The following SAMD11 variants were observed in gnomAD, a reference collection of about 807,000 sequenced individuals.
SAMD11 encodes sterile alpha motif domain containing 11, also known as sterile alpha motif domain-containing protein 11.
A neutral mutation model predicts 64.4 loss-of-function variants in SAMD11; 77 were observed. That is an observed-to-expected ratio of 1.20 (90% confidence interval 0.99 to 1.44). The LOEUF is 1.44. Among genes scored for constraint, SAMD11 ranks in the 40% most tolerant of loss-of-function variants. The probability of loss-of-function intolerance (pLI) is 0.00; values close to 1 mark genes in which losing one functional copy is unlikely to be tolerated. For missense variants in SAMD11, 1,402 were observed against 943.3 expected (o/e 1.49, Z -6.37); for synonymous variants, 658 against 421.9 (o/e 1.56, Z -6.86).
At chr1:935,110 T>G (rs1029065167) in intron 4 of SAMD11, among the ~76,000 whole-genome samples, 1 of 151,914 alleles carries the variant, frequency 6.6e-6, no homozygotes, top group African/African-American at 2.4e-5. Context: ...TCTGTGGATG[T>G]GGGATTGGGC....
Position 944,382 on chromosome 1 carries a change from A to G in SAMD11, c.*229A>G, listed in dbSNP as rs1642020856. The G allele has an allele frequency of 6.8e-6, 9 of 1,333,012 alleles. No homozygotes were observed. The highest frequency in any genetic ancestry group is 1.5e-5 in the African/African-American group (1 of 66,298). 82.6% of individuals were successfully genotyped at this position (1,333,012 alleles called of 1,614,324 possible). ...TGCAGACGGAGGGCAGAGGTGGTGG[A>G]AGGGGCCAGGGGCCTGCAGGCCTCC... On this transcript the variant is annotated 3_prime_UTR_variant, in exon 14 of 14. Transcript: ENST00000616016.
At chr1:935,662 C>G (rs1455202403) in intron 4 of SAMD11, 110 bp from the exon 5 acceptor site, 1 of 1,459,526 alleles carries the variant, frequency 6.9e-7, no homozygotes, top group African/African-American at 1.4e-5. Context: ...ACGTGGCACT[C>G]AGAGGTCATC....
In SAMD11 at chr1:931,197, A is replaced by C. The variant is rs1641156957; in HGVS notation, c.842+108A>C. 4 of 932,576 alleles carry C rather than the reference A, an allele frequency of 4.3e-6. 1 individual carries two copies. In the South Asian group the frequency reaches 5.6e-5, roughly 13 times the overall value. The allele number at this position is 932,576 out of a possible 1,614,324, so 57.8% of individuals were successfully genotyped here. A position where few individuals can be genotyped will look rare whatever the true frequency, so the allele number is the denominator to read the frequency against. The stretch of plus-strand genomic sequence containing the variant: ...CTGTCCGCTGTCTCAGCGTGAGCTG[A>C]TGCTGTGATGCTGGCTGAGTGTCTG... On this transcript the variant is annotated intron_variant, in intron 4 of 13. Transcript: ENST00000616016.
At chr1:930,888 G>A in intron 3 of SAMD11, 151 bp from the exon 4 acceptor site, 1 of 734,000 alleles carries the variant, frequency 1.4e-6, no homozygotes, top group Admixed American at 2.0e-5. Flanking sequence ...GTAGCAGGTG[G>A]TGCTGGGCAT....
intron 9 of SAMD11, 26 bp from the exon 10 acceptor site, chr1:942,384 C>T (rs1178505207): frequency 2.2e-6 from 3 of 1,345,662 alleles, no homozygotes; most frequent in Admixed American, 2.5e-5. Flanking sequence ...GACCCCCCGA[C>T]CCCGCGTTGT....
chr1:933,324 G>A (rs1012862032), intron 4 of SAMD11, among the ~76,000 whole-genome samples: 6 of 152,112 alleles, frequency 3.9e-5, no homozygotes, highest in African/African-American at 1.2e-4. Context: ...AGGCTGTGTC[G>A]GAACCTCAGG....
In SAMD11 at chr1:941,300, C is replaced by T. The variant is rs774594600; in HGVS notation, c.1352C>T (p.Ser451Leu). The T allele has an allele frequency of 3.0e-5, 48 of 1,584,598 alleles. No homozygotes were observed. The highest frequency in any genetic ancestry group is 1.1e-4 in the African/African-American group (8 of 74,522). Reference protein sequence around the residue: ...GAAPAAAPSFSERELPQPPPL... With the variant: ...GAAPAAAPSFLERELPQPPPL... ...GCCCCAGCTGCCGCCCCGTCCTTCT[C>T]GGAGAGGTACTGGGGTGGCTGCCGT... Residue 451 changes from serine to leucine, a missense_variant, in exon 8 of 14, where the codon TCG becomes TTG. By Grantham distance (145) the Ser-to-Leu change is moderately radical. Transcript: ENST00000616016.
chr1:937,145 T>G (rs977079559), intron 5 of SAMD11, among the ~76,000 whole-genome samples: 1 of 152,110 alleles, frequency 6.6e-6, no homozygotes, highest in African/African-American at 2.4e-5. Flanking sequence ...CCCCGGAGCC[T>G]CCTCTTGGAG....
chr1:937,726 C>T (rs1421709703), intron 5 of SAMD11, among the ~76,000 whole-genome samples: 2 of 152,162 alleles, frequency 1.3e-5, no homozygotes, highest in Non-Finnish European at 1.5e-5. Context: ...CCCAGCCACC[C>T]GATCTGTCAC....
intron 4 of SAMD11, 150 bp downstream of exon 4, chr1:931,239 C>A: frequency 2.5e-6 from 2 of 797,102 alleles, no homozygotes; most frequent in Non-Finnish European, 4.1e-6. Context: ...TTGACATGTG[C>A]TGCAAGGTTG....
At chr1:940,089 C>G (rs998248244) in intron 7 of SAMD11, among the ~76,000 whole-genome samples, 1 of 152,156 alleles carries the variant, frequency 6.6e-6, no homozygotes, top group Non-Finnish European at 1.5e-5. Context: ...GTGGGGGCGC[C>G]GGGAAAGGAG....
In SAMD11 at chr1:939,098, A is replaced by G. The variant is rs773522614; in HGVS notation, c.1026A>G (p.Ser342=). The G allele has an allele frequency of 6.2e-7, 1 of 1,604,928 alleles. No homozygotes were observed. The highest frequency in any genetic ancestry group is 8.5e-7 in the Non-Finnish European group (1 of 1,176,020). Reference sequence around the variant, plus strand: ...CCCGTATCAGCAGCGACTGCTTTTCAGAGAAGAGGGCACGAAGCGAATCGC... The same window carrying G: ...CCCGTATCAGCAGCGACTGCTTTTCGGAGAAGAGGGCACGAAGCGAATCGC... ...RSPRISSDCF[S]EKRARSESPQ... is the part of the protein sequence containing the mutation. The change falls in exon 6 of 14, where the codon TCA becomes TCG. Residue 342 remains serine (S), a synonymous_variant. Coordinates refer to ENST00000616016, the MANE Select transcript of SAMD11 (RefSeq NM_001385641.1).
At chr1:940,990 C>A (rs948068704) in intron 7 of SAMD11, 154 bp from the exon 8 acceptor site, 14 of 583,326 alleles carry the variant, frequency 2.4e-5, no homozygotes, top group Middle Eastern at 4.6e-4. Flanking sequence ...CTGTGGCCGC[C>A]CATCCTCCTG....
rs752858633 is a variant in SAMD11 at position 941,254 on chromosome 1, GC to G, written c.1307del (p.Ala436ValfsTer128). The G allele has an allele frequency of 1.9e-6, 3 of 1,601,794 alleles. No homozygotes were observed. The African/African-American group carries it at 4.0e-5, about 21-fold the overall frequency. ...AGGTCAGCGTCGGAAGCAGGGCCTG[GC>G]TCAGCACCGGGAGGGCGCCGCCCCA... ...TAGQRRKQGLAQHREGAAPAA... is the reference protein window; with the variant it reads ...TAGQRRKQGLXQHREGAAPAA... On this transcript the variant is annotated frameshift_variant, in exon 8 of 14. Transcript: ENST00000616016. LOFTEE classifies it high-confidence loss of function.
In SAMD11 at chr1:930,193, G is replaced by C; in HGVS notation, c.648G>C (p.Leu216=). Residue 216 remains leucine (L), a synonymous_variant, in exon 3 of 14, where the codon CTG becomes CTC. Transcript: ENST00000616016. ...GRLADKRTVA[L]PAARNLKKER... ...TGGCAGACAAGAGGACAGTCGCCCT[G>C]CCTGCCGCCCGGAACCTGAAGAAGG... is the stretch of plus-strand genomic sequence containing the variant. 1 of 1,563,922 alleles carries C rather than the reference G, an allele frequency of 6.4e-7. No individual in the cohort carries two copies. Among genetic ancestry groups the C allele is most frequent in the Admixed American group, 1.9e-5 (1 of 52,438 alleles).
At chr1:939,726 A>AC (rs1322854391) in intron 7 of SAMD11, among the ~76,000 whole-genome samples, 1 of 151,706 alleles carries the variant, frequency 6.6e-6, no homozygotes, top group Non-Finnish European at 1.5e-5. Context: ...TGTCAGCAGC[A>AC]CCCCCCGAGG....
At position 943,397 on chromosome 1, in the gene SAMD11, C is replaced by T. The variant is rs551141616; in HGVS notation, c.2178+20C>T. On this transcript the variant is annotated intron_variant, in intron 12 of 13. Coordinates refer to ENST00000616016, the MANE Select transcript of SAMD11 (RefSeq NM_001385641.1). The stretch of plus-strand genomic sequence containing the variant: ...ACTCGGGTAAGGGGGGGCCCCAGTT[C>T]CTGGGGCGGGGCTGGAGCTGGCTGG... The T allele has an allele frequency of 5.9e-6, 9 of 1,513,936 alleles. No individual in the cohort carries two copies. Among genetic ancestry groups the T allele is most frequent in the African/African-American group, 2.8e-5 (2 of 71,736 alleles). 93.8% of individuals were successfully genotyped at this position (1,513,936 alleles called of 1,614,324 possible).
chr1:944,287 C>G lies in SAMD11; in HGVS notation c.*134C>G. 2.1e-6 allele frequency: 3 copies of G among 1,420,346 alleles called. No individual in the cohort carries two copies. Among genetic ancestry groups the G allele is most frequent in the South Asian group, 1.7e-5 (1 of 58,454 alleles). 88.0% of individuals were successfully genotyped at this position (1,420,346 alleles called of 1,614,324 possible). A position where few individuals can be genotyped will look rare whatever the true frequency, so the allele number is the denominator to read the frequency against. ...AAAATTTTAAAAGAAAATGTGACTT[C>G]AAAGGAAAGGAACAAATTTTCAAAG... On this transcript the variant is annotated 3_prime_UTR_variant, in exon 14 of 14. Coordinates refer to ENST00000616016, the MANE Select transcript of SAMD11 (RefSeq NM_001385641.1).
chr1:925,648 A>G, intron 1 of SAMD11: 1 of 357,846 alleles, frequency 2.8e-6, no homozygotes, highest in Non-Finnish European at 5.2e-6. Context: ...GGCCGGGGAG[A>G]GGGTGGAGCG....
Sources: allele counts gnomAD v4.1 joint callset (sites outside exome capture counted in the v4.1 genomes callset), GRCh38; gene constraint gnomAD v4.1.1; transcripts MANE v1.5; gene names NCBI Gene and HGNC (gene_info 2026-07-23, HGNC 2026-07-21).